The following CEBPZOS variants were observed in gnomAD, a reference collection of about 807,000 sequenced individuals.
CEBPZOS encodes the protein CEBPZ opposite strand.
CEBPZOS carries 10 observed loss-of-function variants against 4.8 expected under a neutral mutation model. The observed-to-expected ratio is 2.07, with a 90% CI of 1.28 to 3.52. CEBPZOS has a LOEUF of 3.52. CEBPZOS is among the 30% of genes most tolerant of loss of function. The pLI, the probability that CEBPZOS is intolerant of heterozygous loss-of-function variation, is 0.00. For missense variants in CEBPZOS, 98 were observed against 43.6 expected (o/e 2.25, Z -3.51); for synonymous variants, 25 against 14.2 (o/e 1.77, Z -1.72).
chr2:37,198,285 A>T (rs11695271), intron 1 of CEBPZOS, among the ~76,000 whole-genome samples: 1 of 152,244 alleles, frequency 6.6e-6, no homozygotes, highest in East Asian at 1.9e-4. Flanking sequence ...CCACCACTCA[A>T]CTGCCTCTTA....
downstream of CEBPZOS, among the ~76,000 whole-genome samples, chr2:37,206,076 T>C (rs1677529346): frequency 6.6e-6 from 1 of 152,142 alleles, no homozygotes; most frequent in Admixed American, 6.5e-5. Context: ...CATTCAAATG[T>C]GAGTGGGCAC....
At position 37,202,209 on chromosome 2, in the gene CEBPZOS, T is replaced by A. The variant is rs532408232; in HGVS notation, c.*349T>A. ...AATATGTAAAAACGGCCCACTTCCC[T>A]AAAAAAAAGTAATTTTTGTAGTCTG... On this transcript the variant is annotated 3_prime_UTR_variant, in exon 5 of 5. Coordinates refer to ENST00000402297, the MANE Select transcript of CEBPZOS (RefSeq NM_001322374.2). 1.6e-5 allele frequency: 3 copies of A among 190,130 alleles called. No homozygotes were observed. Among genetic ancestry groups the A allele is most frequent in the South Asian group, 3.7e-4 (2 of 5,388 alleles). 11.8% of individuals were successfully genotyped at this position (190,130 alleles called of 1,614,324 possible).
At position 37,203,102 on chromosome 2, in the gene CEBPZOS, T is replaced by G. The variant is rs1248665826; in HGVS notation, c.*1242T>G. 4.2e-5 allele frequency: 35 copies of G among 830,416 alleles called. No homozygotes were observed. The highest frequency in any genetic ancestry group is 6.2e-5 in the Non-Finnish European group (34 of 552,732). 51.4% of individuals were successfully genotyped at this position (830,416 alleles called of 1,614,324 possible). ...ATGATTTTATTTTAAAAATTATACT[T>G]GGGTAAAAACAATTGCAATAATCTT... On this transcript the variant is annotated 3_prime_UTR_variant, in exon 5 of 5. Transcript: ENST00000402297.
intron 4 of CEBPZOS, chr2:37,211,612 G>A: frequency 2.2e-6 from 1 of 455,380 alleles, no homozygotes; most frequent in East Asian, 3.5e-5. Context: ...CTAGCTGCTG[G>A]TTAAAGTAAA....
At chr2:37,211,000 T>C in intron 4 of CEBPZOS, 1 of 1,606,344 alleles carries the variant, frequency 6.2e-7, no homozygotes, top group Non-Finnish European at 8.5e-7. Context: ...TTTTCTTACC[T>C]TGAAATGAGC....
At position 37,201,704 on chromosome 2, in the gene CEBPZOS, T is replaced by C. The variant is rs546484541; in HGVS notation, c.223T>C (p.Trp75Arg). The C allele has an allele frequency of 6.8e-6, 7 of 1,029,388 alleles. No individual in the cohort carries two copies. In the African/African-American group the frequency reaches 7.9e-5, roughly 12 times the overall value. The allele number at this position is 1,029,388 out of a possible 1,614,324, so 63.8% of individuals were successfully genotyped here. ...YGIRELDQKT[W>R]LNSKN ...AATCAGAGAGCTAGATCAAAAAACATGGTTGAACAGCAAAAATTAGATGTA... is the reference window on the plus strand; with the variant it reads ...AATCAGAGAGCTAGATCAAAAAACACGGTTGAACAGCAAAAATTAGATGTA... Residue 75 changes from tryptophan to arginine, a missense_variant, in exon 4 of 5, where the codon TGG becomes CGG. Transcript: ENST00000402297.
In CEBPZOS at chr2:37,211,279, T is replaced by A. The variant is rs1260989695; in HGVS notation, c.*3-2158T>A. ...CTAAGAATTGGCACAGTTCTAATAT[T>A]TTGTGCAAGTACAAAATTTTCTAAA... On this transcript the variant is annotated intron_variant, in intron 4 of 4. Transcript: ENST00000397064. The A allele has an allele frequency of 9.3e-5, 37 of 397,202 alleles. No individual in the cohort carries two copies. The Admixed American group carries it at 1.6e-3, about 17-fold the overall frequency. The allele number at this position is 397,202 out of a possible 1,614,324, so 24.6% of individuals were successfully genotyped here.
Position 37,201,904 on chromosome 2 carries a change from C to G in CEBPZOS, c.*44C>G. The G allele has an allele frequency of 6.2e-7, 1 of 1,611,316 alleles. No homozygotes were observed. Among genetic ancestry groups the G allele is most frequent in the Non-Finnish European group, 8.5e-7 (1 of 1,179,292 alleles). On this transcript the variant is annotated 3_prime_UTR_variant, in exon 5 of 5. Transcript: ENST00000402297. ...GCCTCCCATCTAAGCTGTTTGAGAC[C>G]TTTGAGAGAAGAAGAAAAGATGAGT...
Position 37,202,991 on chromosome 2 carries a change from T to C in CEBPZOS, c.*1131T>C, listed in dbSNP as rs1400692139. On this transcript the variant is annotated 3_prime_UTR_variant, in exon 5 of 5. Coordinates refer to ENST00000402297, the MANE Select transcript of CEBPZOS (RefSeq NM_001322374.2). Reference sequence around the variant, plus strand: ...AATAGGCTGGAATCATTTAAGTTTCTTTTCTTTTTTCTTGGCCCTAAAAAA... The same window carrying C: ...AATAGGCTGGAATCATTTAAGTTTCCTTTCTTTTTTCTTGGCCCTAAAAAA... The C allele has an allele frequency of 6.4e-7, 1 of 1,550,854 alleles. No individual in the cohort carries two copies. The highest frequency in any genetic ancestry group is 2.3e-5 in the East Asian group (1 of 43,092).
chr2:37,211,945 C>G, intron 4 of CEBPZOS: 1 of 1,613,826 alleles, frequency 6.2e-7, no homozygotes, highest in Non-Finnish European at 8.5e-7. Context: ...AAAGAAACTT[C>G]ATCGTCATCC....
In CEBPZOS at chr2:37,203,031, A is replaced by G; in HGVS notation, c.*1171A>G. 1 of 1,419,316 alleles carries G rather than the reference A, an allele frequency of 7.0e-7. No individual in the cohort carries two copies. The highest frequency in any genetic ancestry group is 9.6e-7 in the Non-Finnish European group (1 of 1,045,976). 87.9% of individuals were successfully genotyped at this position (1,419,316 alleles called of 1,614,324 possible). A position where few individuals can be genotyped will look rare whatever the true frequency, so the allele number is the denominator to read the frequency against. ...GCCCTAAAAAAAATTGTAAGTCTAC[A>G]TTATTCAATTATAAATCTAATGATT... On this transcript the variant is annotated 3_prime_UTR_variant, in exon 5 of 5. Coordinates refer to ENST00000402297, the MANE Select transcript of CEBPZOS (RefSeq NM_001322374.2).
chr2:37,199,911 A>G (rs1177601504), intron 2 of CEBPZOS, 92 bp downstream of exon 2: 1 of 644,146 alleles, frequency 1.6e-6, no homozygotes, highest in Non-Finnish European at 2.9e-6. Flanking sequence ...GTTTGGAGAA[A>G]TTGGTTCTTC....
intron 4 of CEBPZOS, chr2:37,209,940 AAAC>A (rs751188578): frequency 6.6e-6 from 1 of 152,194 alleles, no homozygotes; most frequent in Non-Finnish European, 1.5e-5. Flanking sequence ...AGCAAGAAAA[AAAC>A]AATCCCATCA....
rs1677404336 is a variant in CEBPZOS, at chr2:37,203,790, G to C, written c.*1930G>C. On this transcript the variant is annotated 3_prime_UTR_variant, in exon 5 of 5. Coordinates refer to ENST00000402297, the MANE Select transcript of CEBPZOS (RefSeq NM_001322374.2). ...CTTTTCTGGCTATTTCATATAAATG[G>C]GATCATATGACATGTGGTTTCCTAT... 1 of 152,092 alleles carries C rather than the reference G, an allele frequency of 6.6e-6. No individual in the cohort carries two copies. The highest frequency in any genetic ancestry group is 2.4e-5 in the African/African-American group (1 of 41,396). The allele number at this position is 152,092 out of a possible 1,614,324, so 9.4% of individuals were successfully genotyped here.
chr2:37,212,089 G>T, intron 4 of CEBPZOS: 1 of 1,499,912 alleles, frequency 6.7e-7, no homozygotes. Flanking sequence ...ATTTTCTAAA[G>T]TAGTGTTTTG....
intron 4 of CEBPZOS, chr2:37,211,904 T>G (rs1367792091): frequency 5.0e-6 from 8 of 1,612,636 alleles, no homozygotes; most frequent in South Asian, 3.3e-5. Flanking sequence ...CTTCATCAAC[T>G]TCAGCAAATT....
chr2:37,214,183 T>G (rs1356861096), downstream of CEBPZOS, among the ~76,000 whole-genome samples: 1 of 152,180 alleles, frequency 6.6e-6, no homozygotes, highest in African/African-American at 2.4e-5. Context: ...AAGATAATAT[T>G]TTATCAGCCC....
chr2:37,197,353 A>G (rs1443318645), intron 1 of CEBPZOS: 1 of 152,198 alleles, frequency 6.6e-6, no homozygotes, highest in Non-Finnish European at 1.5e-5. Flanking sequence ...TTAAAAAGGT[A>G]AATACTTTGT....
In CEBPZOS at chr2:37,212,336, C is replaced by T. The variant is rs1296369774; in HGVS notation, c.*3-1101C>T. 1.2e-6 allele frequency: 2 copies of T among 1,612,888 alleles called. No homozygotes were observed. Among genetic ancestry groups the T allele is most frequent in the Admixed American group, 1.7e-5 (1 of 59,988 alleles). ...AAGGAGAAGATAGAAGTATGTTACC[C>T]AGCAAAATCCATATCATCCTTTCCA... is the stretch of plus-strand genomic sequence containing the variant. On this transcript the variant is annotated intron_variant, in intron 4 of 4. Coordinates refer to the CEBPZOS transcript ENST00000397064.
Sources: gnomAD v4.1 joint callset for allele counts (sites outside exome capture counted in the v4.1 genomes callset) on GRCh38, gnomAD v4.1.1 for gene constraint, MANE v1.5 for transcripts, NCBI Gene and HGNC (gene_info 2026-07-23, HGNC 2026-07-21) for gene names.